XKR6: variants seen among roughly 807,000 people sequenced by gnomAD.
XKR6 encodes the protein XK related 6, also known as XK-related protein 6.
Under a neutral mutation model 56.7 loss-of-function variants are expected in XKR6, and 22 were observed. The observed-to-expected ratio is 0.39, with a 90% CI of 0.28 to 0.55. XKR6 has a LOEUF of 0.55. Ranked by LOEUF, XKR6 falls within the 20% of genes least tolerant of loss-of-function variation. XKR6 has a pLI of 0.66. For synonymous variants in XKR6, 524 were observed against 387.8 expected, an observed-to-expected ratio of 1.35 and a Z score of -4.13; for missense variants, 852 against 889.0, an observed-to-expected ratio of 0.96 and a Z score of 0.53.
intron 1 of XKR6, chr8:11,194,405 T>C (rs1803754443): frequency 6.6e-6 from 1 of 152,218 alleles, no homozygotes; most frequent in Non-Finnish European, 1.5e-5. Flanking sequence ...AAGCAGTGGA[T>C]TGTCTTTAGG....
intron 1 of XKR6, among the ~76,000 whole-genome samples, chr8:11,070,043 T>A (rs1346183044): frequency 6.6e-6 from 1 of 152,192 alleles, no homozygotes; most frequent in Non-Finnish European, 1.5e-5. Context: ...AGCCATGAAT[T>A]AAGCAGAACT....
At chr8:11,096,545 C>A (rs554539029) in intron 1 of XKR6, among the ~76,000 whole-genome samples, 1 of 152,188 alleles carries the variant, frequency 6.6e-6, no homozygotes, top group Non-Finnish European at 1.5e-5. Context: ...AGGTATCAGA[C>A]GGATCAAAGC....
At chr8:11,099,273 A>C (rs1406277477) in intron 1 of XKR6, among the ~76,000 whole-genome samples, 1 of 152,240 alleles carries the variant, frequency 6.6e-6, no homozygotes, top group Non-Finnish European at 1.5e-5. Flanking sequence ...TGTCCAGCTG[A>C]CTTTTGTCAC....
In XKR6 at chr8:11,114,652, C is replaced by T. The variant is rs1359758280; in HGVS notation, c.764+85924G>A. ...CTGGGATGACAGGCGTGAGCCACCG[C>T]ACCTGGCCAAACATTTATTTTTAAT... is the stretch of plus-strand genomic sequence containing the variant. On this transcript the variant is annotated intron_variant, in intron 1 of 2. Coordinates refer to ENST00000416569, the MANE Select transcript of XKR6 (RefSeq NM_173683.4). Among the ~76,000 whole-genome samples, 11 of 152,146 alleles carry T rather than the reference C, an allele frequency of 7.2e-5. 1 individual carries two copies. The highest frequency in any genetic ancestry group is 2.7e-4 in the African/African-American group (11 of 41,432).
intron 1 of XKR6, among the ~76,000 whole-genome samples, chr8:11,170,597 T>TA (rs1287242729): frequency 6.6e-6 from 1 of 152,214 alleles, no homozygotes; most frequent in Non-Finnish European, 1.5e-5. Flanking sequence ...TTTGTAGGAT[T>TA]AAAAATGTGC....
intron 1 of XKR6, among the ~76,000 whole-genome samples, chr8:11,113,700 G>A (rs1022588682): frequency 6.6e-6 from 1 of 152,066 alleles, no homozygotes; most frequent in South Asian, 2.1e-4. Context: ...TAATGGCTCA[G>A]GTTTTTTCAT....
At chr8:11,055,925 T>C (rs1799672193) in intron 1 of XKR6, among the ~76,000 whole-genome samples, 1 of 152,150 alleles carries the variant, frequency 6.6e-6, no homozygotes. Flanking sequence ...ATACACTTTG[T>C]GTTCCAGGCA....
At chr8:11,015,044 G>T (rs1218034835) in intron 1 of XKR6, among the ~76,000 whole-genome samples, 1 of 152,184 alleles carries the variant, frequency 6.6e-6, no homozygotes, top group Non-Finnish European at 1.5e-5. Context: ...TGATGATTCT[G>T]TTCCCTCAGA....
intron 1 of XKR6, among the ~76,000 whole-genome samples, chr8:11,032,360 T>C (rs1238848756): frequency 6.6e-6 from 1 of 152,214 alleles, no homozygotes; most frequent in Non-Finnish European, 1.5e-5. Context: ...AGAGAAAACA[T>C]ATTTTCCTGA....
chr8:11,183,907 T>C (rs751350288), intron 1 of XKR6, among the ~76,000 whole-genome samples: 27 of 152,212 alleles, frequency 1.8e-4, no homozygotes, highest in Non-Finnish European at 7.3e-5. Context: ...GTAGTGTTTA[T>C]CTGGAGCATG....
chr8:10,969,924 G>A (rs551882003), intron 1 of XKR6, among the ~76,000 whole-genome samples: 1 of 152,362 alleles, frequency 6.6e-6, no homozygotes, highest in African/African-American at 2.4e-5. Flanking sequence ...ACAGGCAAAT[G>A]CTCCTCTAAG....
At chr8:10,924,565 T>C in intron 2 of XKR6, 69 bp downstream of exon 2, 1 of 1,535,814 alleles carries the variant, frequency 6.5e-7, no homozygotes, top group Non-Finnish European at 8.8e-7. Flanking sequence ...ACGAAGTGTG[T>C]GGGAGGCGGC....
chr8:11,198,427 A>G (rs1259218275), intron 1 of XKR6, among the ~76,000 whole-genome samples: 1 of 152,018 alleles, frequency 6.6e-6, no homozygotes. Flanking sequence ...ATTTAGAGAT[A>G]TATTCTAATC....
At chr8:11,104,356 T>C (rs1191598930) in intron 1 of XKR6, among the ~76,000 whole-genome samples, 1 of 152,238 alleles carries the variant, frequency 6.6e-6, no homozygotes, top group Non-Finnish European at 1.5e-5. Flanking sequence ...GAAATCTCAG[T>C]ATCTTTCTTG....
intron 1 of XKR6, among the ~76,000 whole-genome samples, chr8:10,946,951 A>T (rs1269964805): frequency 6.6e-6 from 1 of 152,090 alleles, no homozygotes; most frequent in East Asian, 1.9e-4. Flanking sequence ...GAGGGTCAAA[A>T]TCCCCCAGGT....
At chr8:11,007,921 C>A (rs1798408141) in intron 1 of XKR6, among the ~76,000 whole-genome samples, 1 of 151,314 alleles carries the variant, frequency 6.6e-6, no homozygotes, top group Non-Finnish European at 1.5e-5. Context: ...ATGGCAGGGG[C>A]AGAGTGGGGG....
At chr8:11,190,959 C>T (rs1029173038) in intron 1 of XKR6, among the ~76,000 whole-genome samples, 9 of 152,134 alleles carry the variant, frequency 5.9e-5, no homozygotes, top group Non-Finnish European at 7.3e-5. Flanking sequence ...ACGCCTCCTC[C>T]ACTCTCCTTG....
intron 1 of XKR6, among the ~76,000 whole-genome samples, chr8:11,147,669 A>G (rs1801056562): frequency 6.6e-6 from 1 of 151,896 alleles, no homozygotes; most frequent in Non-Finnish European, 1.5e-5. Flanking sequence ...AAAAAAAAAA[A>G]AGCTATATGG....
intron 1 of XKR6, among the ~76,000 whole-genome samples, chr8:11,154,097 T>C (rs1450917889): frequency 6.6e-6 from 1 of 152,184 alleles, no homozygotes; most frequent in Admixed American, 6.5e-5. Context: ...AGGTAATCTG[T>C]GTCATAACTA....
Sources: allele counts gnomAD v4.1 joint callset (sites outside exome capture counted in the v4.1 genomes callset), GRCh38; gene constraint gnomAD v4.1.1; transcripts MANE v1.5; gene names NCBI Gene and HGNC (gene_info 2026-07-23, HGNC 2026-07-21).